The following ZNF431 variants were observed in gnomAD, a reference collection of about 807,000 sequenced individuals.
The protein encoded by ZNF431 is zinc finger protein 431.
A neutral mutation model predicts 57.0 loss-of-function variants in ZNF431; 34 were observed. The observed-to-expected ratio is 0.60, with a 90% confidence interval of 0.45 to 0.79. The LOEUF (loss-of-function observed/expected upper bound fraction) is 0.79. ZNF431 is among the 30% of genes least tolerant of loss of function. ZNF431 has a pLI of 0.00. For missense variants in ZNF431, 607 were observed against 667.1 expected (o/e 0.91, Z 0.99); for synonymous variants, 207 against 220.3 (o/e 0.94, Z 0.54).
At position 21,188,654 on chromosome 19, in the gene ZNF431, A is replaced by G. The variant is rs1330171661; in HGVS notation, c.*4620A>G. 6.6e-6 allele frequency: 1 copy of G among 152,176 alleles called. No homozygotes were observed. Among genetic ancestry groups the G allele is most frequent in the Non-Finnish European group, 1.5e-5 (1 of 68,014 alleles). The allele number at this position is 152,176 out of a possible 1,614,324, so 9.4% of individuals were successfully genotyped here. A position where few individuals can be genotyped will look rare whatever the true frequency, so the allele number is the denominator to read the frequency against. On this transcript the variant is annotated 3_prime_UTR_variant, in exon 5 of 5. Transcript: ENST00000311048. ...TTTTTTAGTGGGAGAGGTTTAGTCT[A>G]CAGTTTTTATTTTTAGTCACCAAAC...
Position 21,142,123 on chromosome 19 carries a change from G to C in ZNF431, c.-61G>C. The C allele has an allele frequency of 6.2e-7, 1 of 1,608,288 alleles. No individual in the cohort carries two copies. Among genetic ancestry groups the C allele is most frequent in the Non-Finnish European group, 8.5e-7 (1 of 1,175,836 alleles). ...CTAGAGGCCCAACATCTGTGGCCCT[G>C]TGACCTGCAGGTATTGGGAGACCCA... On this transcript the variant is annotated 5_prime_UTR_variant, in exon 1 of 5. Transcript: ENST00000311048.
At chr19:21,177,130 C>A (rs1255571504) in intron 4 of ZNF431, among the ~76,000 whole-genome samples, 2 of 152,116 alleles carry the variant, frequency 1.3e-5, no homozygotes, top group African/African-American at 4.8e-5. Context: ...AGTAGTATTG[C>A]CTAGATTTTC....
rs879329722 is a variant in ZNF431 at position 21,189,842 on chromosome 19, ATAGTTT to A, written c.*5810_*5815del. 7 of 397,736 alleles carry A rather than the reference ATAGTTT, an allele frequency of 1.8e-5. No homozygotes were observed. Among genetic ancestry groups the A allele is most frequent in the Non-Finnish European group, 3.1e-5 (7 of 225,942 alleles). 24.6% of individuals were successfully genotyped at this position (397,736 alleles called of 1,614,324 possible). ...AACTTCATCCATGTGATTGAGAATA[ATAGTTT>A]TTGTTTTTTTTTTAAGGCCAGGAGT... On this transcript the variant is annotated 3_prime_UTR_variant, in exon 5 of 5. Coordinates refer to ENST00000311048, the MANE Select transcript of ZNF431 (RefSeq NM_133473.4).
intron 2 of ZNF431, among the ~76,000 whole-genome samples, chr19:21,157,356 GC>G (rs1397568990): frequency 6.6e-6 from 1 of 151,962 alleles, no homozygotes; most frequent in Non-Finnish European, 1.5e-5. Flanking sequence ...ATTGTATGCA[GC>G]CTATTATTGA....
intron 2 of ZNF431, among the ~76,000 whole-genome samples, chr19:21,156,029 A>T (rs6511203): frequency 0.99 from 151,264 of 152,264 alleles, 75,166 homozygotes; most frequent in Middle Eastern, 1. Context: ...TCCCACCCAC[A>T]CCCAAATATG....
intron 1 of ZNF431, 69 bp from the exon 2 acceptor site, chr19:21,143,482 A>C: frequency 8.1e-7 from 1 of 1,237,052 alleles, no homozygotes; most frequent in Non-Finnish European, 1.2e-6. Flanking sequence ...ATGAACTAAG[A>C]TATCCACCGT....
At chr19:21,166,240 C>A in intron 2 of ZNF431, 95 bp from the exon 3 acceptor site, 1 of 1,504,754 alleles carries the variant, frequency 6.6e-7, no homozygotes. Context: ...AGAATCAGTT[C>A]TCTTTACTCT....
intron 2 of ZNF431, among the ~76,000 whole-genome samples, chr19:21,155,060 G>T (rs570888748): frequency 2.0e-5 from 3 of 152,042 alleles, no homozygotes; most frequent in Non-Finnish European, 4.4e-5. Flanking sequence ...TTTTGTTGCC[G>T]TTGCTTTTGG....
chr19:21,143,434 A>G, intron 1 of ZNF431, 117 bp from the exon 2 acceptor site: 1 of 770,982 alleles, frequency 1.3e-6, no homozygotes, highest in Non-Finnish European at 2.2e-6. Flanking sequence ...GCCACCTTTT[A>G]GTTTTTTTCT....
At position 21,191,333 on chromosome 19, in the gene ZNF431, A is replaced by T. The variant is rs370500404; in HGVS notation, c.*7299A>T. 6.6e-6 allele frequency: 1 copy of T among 152,012 alleles called. No homozygotes were observed. The highest frequency in any genetic ancestry group is 2.4e-5 in the African/African-American group (1 of 41,392). The allele number at this position is 152,012 out of a possible 1,614,324, so 9.4% of individuals were successfully genotyped here. Reference sequence around the variant, plus strand: ...CCGGGCGTGGTTGCACGTGTCTATAATCTCAGCTACTCAGGAGGCTGAGGC... The same window carrying T: ...CCGGGCGTGGTTGCACGTGTCTATATTCTCAGCTACTCAGGAGGCTGAGGC... On this transcript the variant is annotated 3_prime_UTR_variant, in exon 5 of 5. Transcript: ENST00000311048.
chr19:21,152,698 C>T (rs1019080097), intron 2 of ZNF431, among the ~76,000 whole-genome samples: 1 of 152,148 alleles, frequency 6.6e-6, no homozygotes, highest in Non-Finnish European at 1.5e-5. Flanking sequence ...TTAGGAGAGA[C>T]TCTAATTCTC....
chr19:21,179,217 C>T (rs1971142246), intron 4 of ZNF431, among the ~76,000 whole-genome samples: 1 of 151,948 alleles, frequency 6.6e-6, no homozygotes, highest in South Asian at 2.1e-4. Context: ...GATGATAGCC[C>T]CTTTATCATT....
At position 21,195,678 on chromosome 19, in the gene ZNF431, G is replaced by A. The variant is rs1971593447; in HGVS notation, c.*11644G>A. Reference sequence around the variant, plus strand: ...TCACCAGTACCAGTTTTTCTCTTGTGGTGGCATATAGTTGATTGTCATTTG... The same window carrying A: ...TCACCAGTACCAGTTTTTCTCTTGTAGTGGCATATAGTTGATTGTCATTTG... On this transcript the variant is annotated 3_prime_UTR_variant, in exon 5 of 5. Transcript: ENST00000311048. The A allele has an allele frequency of 6.6e-6, 1 of 151,980 alleles. No individual in the cohort carries two copies. Among genetic ancestry groups the A allele is most frequent in the African/African-American group, 2.4e-5 (1 of 41,374 alleles). 9.4% of individuals were successfully genotyped at this position (151,980 alleles called of 1,614,324 possible). A position where few individuals can be genotyped will look rare whatever the true frequency, so the allele number is the denominator to read the frequency against.
chr19:21,156,155 C>T (rs1214365460), intron 2 of ZNF431, among the ~76,000 whole-genome samples: 5 of 152,190 alleles, frequency 3.3e-5, no homozygotes, highest in Admixed American at 6.5e-5. Context: ...AAAGTGTCTA[C>T]AAGTCTCCTG....
chr19:21,175,384 A>G (rs1299032556), intron 4 of ZNF431: 1 of 692,688 alleles, frequency 1.4e-6, no homozygotes, highest in Non-Finnish European at 2.6e-6. Flanking sequence ...TTAAAGATAT[A>G]AAGTTACTAT....
rs746697018 is a variant in ZNF431 at position 21,166,316 on chromosome 19, CTG to C, written c.97-16_97-15del. The C allele has an allele frequency of 5.6e-6, 9 of 1,610,162 alleles. No individual in the cohort carries two copies. In the Middle Eastern group the frequency reaches 5.0e-4, roughly 89 times the overall value. ...CCACTTGGTAAATATATGTGTGTCT[CTG>C]TGCTTGTGTTTTTCAGGAGACATTG... On this transcript the variant is annotated splice_polypyrimidine_tract_variant and intron_variant, in intron 2 of 4. Coordinates refer to ENST00000311048, the MANE Select transcript of ZNF431 (RefSeq NM_133473.4).
At position 21,193,603 on chromosome 19, in the gene ZNF431, A is replaced by G. The variant is rs556829839; in HGVS notation, c.*9569A>G. On this transcript the variant is annotated 3_prime_UTR_variant, in exon 5 of 5. Coordinates refer to ENST00000311048, the MANE Select transcript of ZNF431 (RefSeq NM_133473.4). ...TAGTGAAGACAACAACAACAAAACT[A>G]TAGGCCAATATTTTGGGTGAACATT... The G allele has an allele frequency of 1.8e-4, 28 of 152,290 alleles. No homozygotes were observed. Among genetic ancestry groups the G allele is most frequent in the African/African-American group, 6.3e-4 (26 of 41,572 alleles). 9.4% of individuals were successfully genotyped at this position (152,290 alleles called of 1,614,324 possible).
In ZNF431 at chr19:21,185,869, A is replaced by G. The variant is rs1971360087; in HGVS notation, c.*1835A>G. On this transcript the variant is annotated 3_prime_UTR_variant, in exon 5 of 5. Coordinates refer to ENST00000311048, the MANE Select transcript of ZNF431 (RefSeq NM_133473.4). ...TGTTTTACAAACAATCCAATTCTAC[A>G]CTTTAAAAAAAAATTTTTAAATGTA... The G allele has an allele frequency of 6.9e-6, 1 of 145,638 alleles. No homozygotes were observed. Among genetic ancestry groups the G allele is most frequent in the African/African-American group, 2.7e-5 (1 of 37,440 alleles). 9.0% of individuals were successfully genotyped at this position (145,638 alleles called of 1,614,324 possible).
At position 21,146,304 on chromosome 19, in the gene ZNF431, G is replaced by C. The variant is rs1346531674; in HGVS notation, c.96+2661G>C. 3.3e-5 allele frequency among the ~76,000 whole-genome samples: 5 copies of C among 151,812 alleles called. No individual in the cohort carries two copies. The East Asian group carries it at 9.6e-4, about 29-fold the overall frequency. On this transcript the variant is annotated intron_variant, in intron 2 of 4. Transcript: ENST00000311048. ...GCACACCTGTAATCCCAGCTACTCA[G>C]GAGACTGAGGCAAAAGAATCACTTG...
Sources: gnomAD v4.1 joint callset for allele counts (sites outside exome capture counted in the v4.1 genomes callset) on GRCh38, gnomAD v4.1.1 for gene constraint, MANE v1.5 for transcripts, NCBI Gene and HGNC (gene_info 2026-07-23, HGNC 2026-07-21) for gene names.